The following WWC1 variants were observed in gnomAD, a reference collection of about 807,000 sequenced individuals.
WWC1 encodes WW and C2 domain containing 1.
In WWC1, 55 loss-of-function variants were observed where a neutral mutation model predicts 138.4. The ratio of observed to expected loss-of-function variants is 0.40; its 90% CI spans 0.32 to 0.50. The LOEUF is 0.50. Among genes scored for constraint, WWC1 ranks in the 20% least tolerant of loss-of-function variants. The probability of loss-of-function intolerance (pLI) is 0.72; values close to 1 mark genes in which losing one functional copy is unlikely to be tolerated. For synonymous variants in WWC1, 524 were observed against 564.9 expected (o/e 0.93, Z 1.03); for missense variants, 1,226 against 1,420.4 (o/e 0.86, Z 2.20).
chr5:168,447,807 CT>C (rs1755416457), intron 17 of WWC1, among the ~76,000 whole-genome samples: 1 of 152,016 alleles, frequency 6.6e-6, no homozygotes, highest in South Asian at 2.1e-4. Context: ...CTCTCTCTGT[CT>C]GTTTCTCCCC....
intron 1 of WWC1, among the ~76,000 whole-genome samples, chr5:168,338,450 C>T (rs1773698803): frequency 6.7e-6 from 1 of 148,740 alleles, no homozygotes. Context: ...TCACTCTTGT[C>T]GCCCAGGCTG....
intron 1 of WWC1, among the ~76,000 whole-genome samples, chr5:168,309,901 C>T (rs193201775): frequency 1.8e-4 from 28 of 152,276 alleles, no homozygotes; most frequent in Admixed American, 1.1e-3. Context: ...TAGACAAGCA[C>T]GACAAACTAC....
intron 5 of WWC1, among the ~76,000 whole-genome samples, chr5:168,402,995 C>T (rs1199651995): frequency 6.9e-6 from 1 of 144,260 alleles, no homozygotes; most frequent in Non-Finnish European, 1.5e-5. Flanking sequence ...GCCAAAAGCT[C>T]TGTTGTTTCT....
intron 19 of WWC1, among the ~76,000 whole-genome samples, chr5:168,458,415 G>A (rs1174692073): frequency 6.6e-6 from 1 of 152,078 alleles, no homozygotes; most frequent in Non-Finnish European, 1.5e-5. Flanking sequence ...CCCTTCCACT[G>A]GCCTCTGCAC....
chr5:168,440,462 G>A (rs1329996183), intron 15 of WWC1, among the ~76,000 whole-genome samples: 2 of 152,114 alleles, frequency 1.3e-5, no homozygotes, highest in South Asian at 2.1e-4. Flanking sequence ...GTACTTCTGG[G>A]CATATATTCA....
At chr5:168,381,902 T>C (rs2152816235) in intron 2 of WWC1, among the ~76,000 whole-genome samples, 1 of 151,872 alleles carries the variant, frequency 6.6e-6, no homozygotes, top group East Asian at 1.9e-4. Flanking sequence ...TATGCTGTTT[T>C]TGAGAACAGA....
In WWC1 at chr5:168,292,210, G is replaced by A. The variant is rs1377665397; in HGVS notation, c.58G>A (p.Gly20Ser). The A allele has an allele frequency of 2.5e-6, 4 of 1,571,196 alleles. No individual in the cohort carries two copies. The highest frequency in any genetic ancestry group is 1.4e-5 in the African/African-American group (1 of 73,492). Reference protein sequence around the residue: ...EGWEEARDFDGKVYYIDHTNR... With the variant: ...EGWEEARDFDSKVYYIDHTNR... ...CTGGGAGGAGGCGCGCGACTTCGAC[G>A]GCAAGGTCTACTACATAGACCACAC... Residue 20 changes from glycine (G) to serine (S), a missense_variant, in exon 1 of 23, where the codon GGC (glycine) becomes AGC (serine). By Grantham distance (56) the Gly-to-Ser change is moderately conservative (BLOSUM62 0). Around this residue, in one of 3 missense-constraint regions of WWC1, gnomAD observed 1,016 missense variants for 1,153.9 expected, o/e 0.88. Coordinates refer to ENST00000265293, the MANE Select transcript of WWC1 (RefSeq NM_015238.3). This position sits in a 1 kb window ranked among gnomAD's most constrained non-coding sequence, Gnocchi z 4.4.
chr5:168,406,633 A>G (rs116674815), intron 6 of WWC1, among the ~76,000 whole-genome samples: 3,104 of 152,168 alleles, frequency 0.02, 118 homozygotes, highest in African/African-American at 0.071. Context: ...TTGTTTTTTA[A>G]ACTTTTATTT....
intron 1 of WWC1, among the ~76,000 whole-genome samples, chr5:168,364,439 G>A (rs1776126366): frequency 6.6e-6 from 1 of 152,098 alleles, no homozygotes; most frequent in Non-Finnish European, 1.5e-5. Flanking sequence ...AATTACCTGT[G>A]GCTCAGGCCG....
intron 8 of WWC1, among the ~76,000 whole-genome samples, chr5:168,410,405 A>G (rs1025307734): frequency 1.6e-4 from 24 of 152,242 alleles, no homozygotes; most frequent in South Asian, 4.1e-4. Flanking sequence ...GCTGGGAGCA[A>G]GCTGGGCTTT....
intron 2 of WWC1, 149 bp from the exon 3 acceptor site, chr5:168,385,062 G>T: frequency 1.3e-6 from 1 of 757,078 alleles, no homozygotes; most frequent in Non-Finnish European, 2.1e-6. Flanking sequence ...GAGAATCACT[G>T]TCATTTAGTA....
chr5:168,422,670 A>G (rs6875678), intron 10 of WWC1, among the ~76,000 whole-genome samples: 60,533 of 152,026 alleles, frequency 0.4, 12,623 homozygotes, highest in East Asian at 0.77. Context: ...TGCACAACAC[A>G]GAGAATGTAG....
intron 1 of WWC1, among the ~76,000 whole-genome samples, chr5:168,345,562 A>G (rs1774397541): frequency 1.3e-5 from 2 of 152,310 alleles, no homozygotes; most frequent in South Asian, 2.1e-4. Flanking sequence ...CTTTTAGAAT[A>G]TTAGTGATTT....
Position 168,397,727 on chromosome 5 carries a change from T to A in WWC1, c.437T>A (p.Val146Asp), listed in dbSNP as rs998626048. The A allele has an allele frequency of 2.5e-6, 4 of 1,614,004 alleles. No homozygotes were observed. The highest frequency in any genetic ancestry group is 2.5e-6 in the Non-Finnish European group (3 of 1,179,942). Reference sequence around the variant, plus strand: ...TGTTTTTCTTTTTTCCTTACAGTGGTCTCTGGTTCATCATCCAGCTCCAAG... The same window carrying A: ...TGTTTTTCTTTTTTCCTTACAGTGGACTCTGGTTCATCATCCAGCTCCAAG... The part of the protein sequence containing the change: ...EHKLGSQVSL[V>D]SGSSSSSKYD... Residue 146 changes from valine (V) to aspartate (D), a missense_variant, in exon 4 of 23, where the codon GTC (valine) becomes GAC (aspartate). By Grantham distance (152) the Val-to-Asp change is radical (BLOSUM62 -3). Transcript: ENST00000265293.
chr5:168,329,836 G>A (rs753370290), intron 1 of WWC1, among the ~76,000 whole-genome samples: 18 of 152,276 alleles, frequency 1.2e-4, no homozygotes, highest in Non-Finnish European at 2.1e-4. Flanking sequence ...TTGGCTGGGC[G>A]TGGTGGCTTA....
rs1242500094 is a variant in WWC1, at chr5:168,423,901, C to T, written c.1643C>T (p.Ser548Phe). The change falls in exon 11 of 23, where the codon TCC (serine) becomes TTC (phenylalanine). Residue 548 changes from serine (S) to phenylalanine (F), a missense_variant. Physicochemically the swap from Ser to Phe is radical, Grantham distance 155. Transcript: ENST00000265293. ...CTCTCCTCCCCCTCCCCACCCTGTTCCCCTCTCATGGCTGACCCCCTCCTG... is the reference window on the plus strand; with the variant it reads ...CTCTCCTCCCCCTCCCCACCCTGTTTCCCTCTCATGGCTGACCCCCTCCTG... ...SSLSSPSPPC[S>F]PLMADPLLAG... is the part of the protein sequence containing the mutation. 2 of 1,614,118 alleles carry T rather than the reference C, an allele frequency of 1.2e-6. No homozygotes were observed.
intron 1 of WWC1, among the ~76,000 whole-genome samples, chr5:168,335,396 G>A (rs1773372452): frequency 6.6e-6 from 1 of 152,250 alleles, no homozygotes; most frequent in South Asian, 2.1e-4. Flanking sequence ...AGAGACTGGA[G>A]GATAGCTTGA....
In WWC1 at chr5:168,467,962, C is replaced by T. The variant is rs1757437709; in HGVS notation, c.3273C>T (p.Phe1091=). Residue 1091 remains phenylalanine, a splice_region_variant and synonymous_variant, in exon 22 of 23, where the codon TTC becomes TTT. Coordinates refer to ENST00000265293, the MANE Select transcript of WWC1 (RefSeq NM_015238.3). ...SCKEPPEVQS[F]REKMAFFTRP... is the part of the protein sequence containing the mutation. Reference sequence around the variant, plus strand: ...AGGAACCCCCAGAAGTTCAGTCTTTCAGGTAAGCAGAGGGCCCCGGCAGCC... The same window carrying T: ...AGGAACCCCCAGAAGTTCAGTCTTTTAGGTAAGCAGAGGGCCCCGGCAGCC... 1 of 1,614,042 alleles carries T rather than the reference C, an allele frequency of 6.2e-7. No individual in the cohort carries two copies. Among genetic ancestry groups the T allele is most frequent in the African/African-American group, 1.3e-5 (1 of 74,940 alleles).
chr5:168,411,594 C>T (rs1473006457), intron 8 of WWC1: 1 of 152,190 alleles, frequency 6.6e-6, no homozygotes, highest in Non-Finnish European at 1.5e-5. Flanking sequence ...TTTCTTCACC[C>T]TGCTTGCCTT....
Sources: allele counts gnomAD v4.1 joint callset (sites outside exome capture counted in the v4.1 genomes callset), GRCh38; gene constraint gnomAD v4.1.1; regional missense constraint gnomAD v4.1.1; non-coding constraint Gnocchi (gnomAD v3.1); transcripts MANE v1.5; gene names NCBI Gene and HGNC (gene_info 2026-07-23, HGNC 2026-07-21).